The following METAP1D variants were observed in gnomAD, a reference collection of about 807,000 sequenced individuals.
METAP1D encodes methionine aminopeptidase 1D, mitochondrial.
In METAP1D, 31 loss-of-function variants were observed where a neutral mutation model predicts 40.5. The observed-to-expected ratio is 0.77, with a 90% CI of 0.58 to 1.03. The LOEUF is 1.03. METAP1D is among the 50% of genes least tolerant of loss of function. The pLI, the probability that METAP1D is intolerant of heterozygous loss-of-function variation, is 0.00. For synonymous variants in METAP1D, 151 were observed against 146.4 expected, an observed-to-expected ratio of 1.03 and a Z score of -0.22; for missense variants, 411 against 420.7, an observed-to-expected ratio of 0.98 and a Z score of 0.20.
At chr2:172,073,747 A>G (rs1690478291) in intron 6 of METAP1D, among the ~76,000 whole-genome samples, 1 of 152,204 alleles carries the variant, frequency 6.6e-6, no homozygotes, top group South Asian at 2.1e-4. Context: ...TAAACAAACC[A>G]TATTTACCTT....
chr2:172,027,775 T>G (rs574760046), intron 1 of METAP1D, among the ~76,000 whole-genome samples: 2 of 152,364 alleles, frequency 1.3e-5, no homozygotes, highest in South Asian at 4.1e-4. Flanking sequence ...TCCCTCACTT[T>G]CCAGGTAGCA....
At chr2:172,033,600 C>A (rs1000673634) in intron 1 of METAP1D, among the ~76,000 whole-genome samples, 1 of 151,976 alleles carries the variant, frequency 6.6e-6, no homozygotes, top group Admixed American at 6.6e-5. Flanking sequence ...AAGTGATGTG[C>A]CTGTCTCGGC....
intron 1 of METAP1D, among the ~76,000 whole-genome samples, chr2:172,045,801 G>GTATGTATATGTATATA: frequency 9.6e-5 from 1 of 10,374 alleles, no homozygotes; most frequent in South Asian, 4.2e-3. Context: ...GTATATATGT[G>GTATGTATATGTATATA]TGTGTGTGTG....
intron 1 of METAP1D, among the ~76,000 whole-genome samples, chr2:172,018,244 A>G (rs1265663588): frequency 6.6e-6 from 1 of 152,172 alleles, no homozygotes; most frequent in East Asian, 1.9e-4. Context: ...CAGAAGTCCA[A>G]AGTTCAAATA....
At chr2:172,025,898 G>A (rs1288370518) in intron 1 of METAP1D, among the ~76,000 whole-genome samples, 1 of 152,002 alleles carries the variant, frequency 6.6e-6, no homozygotes, top group Non-Finnish European at 1.5e-5. Flanking sequence ...AGAAGCAATT[G>A]TTAGATATAT....
At chr2:172,023,271 A>C (rs1432833343) in intron 1 of METAP1D, among the ~76,000 whole-genome samples, 1 of 152,244 alleles carries the variant, frequency 6.6e-6, no homozygotes, top group East Asian at 1.9e-4. Context: ...TAAAATGAAA[A>C]ATTGGGACAC....
chr2:172,034,407 G>T (rs753413291), intron 1 of METAP1D, among the ~76,000 whole-genome samples: 17 of 97,098 alleles, frequency 1.8e-4, no homozygotes, highest in Admixed American at 9.4e-4. Flanking sequence ...CTCAGTTTTT[G>T]TGTGTGTGTG....
intron 3 of METAP1D, 113 bp from the exon 4 acceptor site, chr2:172,065,491 A>G: frequency 9.7e-7 from 1 of 1,034,584 alleles, no homozygotes. Flanking sequence ...CCATAACTTT[A>G]TCATAGTAAA....
At chr2:172,016,275 C>CAAA (rs1172458646) in intron 1 of METAP1D, among the ~76,000 whole-genome samples, 124 of 9,722 alleles carry the variant, frequency 0.013, 27 homozygotes, top group Admixed American at 0.033. Context: ...GACCCTGTCT[C>CAAA]AAAAAAAAAA....
At chr2:172,060,397 A>AC (rs1388015695) in intron 1 of METAP1D, among the ~76,000 whole-genome samples, 3 of 149,332 alleles carry the variant, frequency 2.0e-5, no homozygotes, top group Admixed American at 2.0e-4. Context: ...AGCCTGGGCG[A>AC]CAGAGCAAGA....
intron 1 of METAP1D, among the ~76,000 whole-genome samples, chr2:172,024,760 G>GTGTGTGTA (rs1553491380): frequency 0.025 from 3,483 of 139,956 alleles, 67 homozygotes; most frequent in African/African-American, 0.054. Flanking sequence ...GTGTGTGTGT[G>GTGTGTGTA]TGTGTGTGTG....
intron 1 of METAP1D, among the ~76,000 whole-genome samples, chr2:172,024,298 C>G (rs1392836012): frequency 6.6e-6 from 1 of 152,070 alleles, no homozygotes; most frequent in Non-Finnish European, 1.5e-5. Flanking sequence ...CTCCTTAATT[C>G]AAAATCAGAC....
chr2:172,004,754 G>A (rs2105369778), intron 1 of METAP1D, among the ~76,000 whole-genome samples: 1 of 152,302 alleles, frequency 6.6e-6, no homozygotes, highest in East Asian at 1.9e-4. Context: ...TGGAAATGGA[G>A]TTTTGCCGTA....
intron 7 of METAP1D, 40 bp from the exon 8 acceptor site, chr2:172,079,175 C>G: frequency 1.9e-6 from 3 of 1,608,182 alleles, no homozygotes; most frequent in African/African-American, 1.3e-5. Context: ...TCTGTCCTCC[C>G]CATTTCCTAT....
At chr2:172,011,285 CT>C (rs367971854) in intron 1 of METAP1D, among the ~76,000 whole-genome samples, 216 of 135,312 alleles carry the variant, frequency 1.6e-3, no homozygotes, top group Admixed American at 2.4e-3. Flanking sequence ...CTTTCTGTTT[CT>C]TTTTTTTTTT....
rs943371012 is a variant in METAP1D at position 172,057,739 on chromosome 2, A to G, written c.41-3759A>G. Among the ~76,000 whole-genome samples the G allele has an allele frequency of 2.0e-5, 3 of 152,298 alleles. No individual in the cohort carries two copies. In the South Asian group the frequency reaches 6.2e-4, roughly 32 times the overall value. ...CCCTCTCAGCTTTGGCACTTACTGC[A>G]TGTTCCTTTGTGTGCCTCAGTATCT... On this transcript the variant is annotated intron_variant, in intron 1 of 9. Transcript: ENST00000315796.
In METAP1D at chr2:172,016,256, A is replaced by G. The variant is rs1452317002; in HGVS notation, c.40+16247A>G. ...ATGCCACTGCACTCCAGCCTGGGTG[A>G]CAGAGTGAGACCCTGTCTCAAAAAA... On this transcript the variant is annotated intron_variant, in intron 1 of 9. Coordinates refer to ENST00000315796, the MANE Select transcript of METAP1D (RefSeq NM_199227.3). Among the ~76,000 whole-genome samples the G allele has an allele frequency of 4.1e-5, 5 of 120,500 alleles. No homozygotes were observed. The South Asian group carries it at 1.5e-3, about 37-fold the overall frequency. 79.1% of individuals were successfully genotyped at this position (120,500 alleles called of 152,430 possible).
At chr2:172,046,946 A>C (rs765678752) in intron 1 of METAP1D, among the ~76,000 whole-genome samples, 13 of 152,234 alleles carry the variant, frequency 8.5e-5, no homozygotes, top group Non-Finnish European at 1.3e-4. Flanking sequence ...TTAGGCTATC[A>C]GGTTTCCATG....
At chr2:172,075,241 AT>A (rs1405175315) in intron 6 of METAP1D, among the ~76,000 whole-genome samples, 3 of 152,216 alleles carry the variant, frequency 2.0e-5, no homozygotes, top group Non-Finnish European at 4.4e-5. Context: ...GCTTGGGTTC[AT>A]GGGCAGATGT....
Sources: allele counts gnomAD v4.1 joint callset (sites outside exome capture counted in the v4.1 genomes callset), GRCh38; gene constraint gnomAD v4.1.1; transcripts MANE v1.5; gene names NCBI Gene and HGNC (gene_info 2026-07-23, HGNC 2026-07-21).